DOCK1: variants seen among roughly 807,000 people sequenced by gnomAD.
The protein encoded by DOCK1 is dedicator of cytokinesis 1.
In DOCK1, 138 loss-of-function variants were observed where a neutral mutation model predicts 262.7. That is an observed-to-expected ratio of 0.53 (90% CI 0.46 to 0.61). The LOEUF is 0.61. Ranked by LOEUF, DOCK1 falls within the 20% of genes least tolerant of loss-of-function variation. DOCK1 has a pLI of 0.00. For missense variants in DOCK1, 1,908 were observed against 2,370.7 expected (o/e 0.80, Z 4.05); for synonymous variants, 866 against 867.4 (o/e 1.00, Z 0.03).
chr10:126,954,805 A>G (rs2134450694), intron 1 of DOCK1, among the ~76,000 whole-genome samples: 1 of 152,284 alleles, frequency 6.6e-6, no homozygotes, highest in South Asian at 2.1e-4. Flanking sequence ...ATATGTACAT[A>G]CCACGTTTTA....
chr10:127,337,374 G>C (rs1464158227), intron 29 of DOCK1, among the ~76,000 whole-genome samples: 1 of 152,176 alleles, frequency 6.6e-6, no homozygotes, highest in Non-Finnish European at 1.5e-5. Flanking sequence ...GGGCTGATTA[G>C]AGTTGCCAGG....
intron 29 of DOCK1, among the ~76,000 whole-genome samples, chr10:127,324,017 TGAG>T (rs1222498676): frequency 6.6e-6 from 1 of 152,164 alleles, no homozygotes; most frequent in Non-Finnish European, 1.5e-5. Context: ...TCTTGGTTCT[TGAG>T]GAGGGGGAGC....
chr10:127,129,490 T>A (rs2050174040), intron 27 of DOCK1, among the ~76,000 whole-genome samples: 1 of 152,196 alleles, frequency 6.6e-6, no homozygotes, highest in African/African-American at 2.4e-5. Flanking sequence ...TTCATAGTCT[T>A]GAAACACATT....
intron 38 of DOCK1, among the ~76,000 whole-genome samples, chr10:127,394,718 C>T (rs1223323418): frequency 1.3e-5 from 2 of 152,182 alleles, no homozygotes; most frequent in Non-Finnish European, 2.9e-5. Context: ...GAGTCAGTAA[C>T]AACAATGCTC....
chr10:127,009,348 G>A (rs762271500), intron 11 of DOCK1, among the ~76,000 whole-genome samples: 3 of 152,206 alleles, frequency 2.0e-5, no homozygotes, highest in Non-Finnish European at 2.9e-5. Flanking sequence ...AAAGAGGCAC[G>A]GAAGCTGAGA....
At chr10:126,916,051 G>C (rs1005480372) in intron 1 of DOCK1, among the ~76,000 whole-genome samples, 1 of 152,162 alleles carries the variant, frequency 6.6e-6, no homozygotes, top group Non-Finnish European at 1.5e-5. Context: ...GGACACTATG[G>C]TGTGGAGTTT....
intron 29 of DOCK1, among the ~76,000 whole-genome samples, chr10:127,299,384 G>A (rs967371445): frequency 3.3e-5 from 5 of 152,208 alleles, no homozygotes; most frequent in Admixed American, 6.5e-5. Flanking sequence ...GATTACAGGC[G>A]TGAGCCGCCG....
intron 1 of DOCK1, among the ~76,000 whole-genome samples, chr10:126,918,997 G>A (rs577666850): frequency 4.1e-4 from 45 of 108,994 alleles, no homozygotes; most frequent in East Asian, 1.3e-3. Flanking sequence ...GAGTGTGGGG[G>A]CCCTTCGGCC....
intron 30 of DOCK1, 125 bp from the exon 31 acceptor site, chr10:127,343,521 G>T: frequency 2.6e-6 from 2 of 783,266 alleles, no homozygotes; most frequent in South Asian, 4.0e-5. Context: ...TATAGAGTGA[G>T]TGTGGGTTTT....
chr10:127,046,110 G>A (rs967504440), intron 21 of DOCK1, among the ~76,000 whole-genome samples: 3 of 151,940 alleles, frequency 2.0e-5, no homozygotes, highest in African/African-American at 7.3e-5. Context: ...TAATTGGTTT[G>A]AAGAATTCCC....
intron 27 of DOCK1, among the ~76,000 whole-genome samples, chr10:127,223,596 T>G (rs557345881): frequency 6.6e-6 from 1 of 152,328 alleles, no homozygotes; most frequent in East Asian, 1.9e-4. Flanking sequence ...TTCCAAACTC[T>G]GAAATAATCT....
At chr10:127,397,746 GTA>G (rs2066989969) in intron 38 of DOCK1, among the ~76,000 whole-genome samples, 3 of 103,616 alleles carry the variant, frequency 2.9e-5, no homozygotes, top group African/African-American at 1.2e-4. Flanking sequence ...AGCGACTCCT[GTA>G]TGACACGGGC....
At chr10:127,401,661 C>G (rs1356343499) in intron 38 of DOCK1, among the ~76,000 whole-genome samples, 1 of 152,194 alleles carries the variant, frequency 6.6e-6, no homozygotes, top group Admixed American at 6.5e-5. Context: ...GCTTGTGTTT[C>G]TAGCTCTTGG....
intron 25 of DOCK1, among the ~76,000 whole-genome samples, chr10:127,119,835 G>C (rs555076915): frequency 6.6e-6 from 1 of 152,358 alleles, no homozygotes; most frequent in South Asian, 2.1e-4. Context: ...TTAATGTAGA[G>C]CTGTAATGGG....
intron 49 of DOCK1, 104 bp downstream of exon 49, chr10:127,439,329 T>C (rs528485233): frequency 3.2e-6 from 4 of 1,250,088 alleles, no homozygotes; most frequent in East Asian, 5.1e-5. Context: ...ATTGAACTTG[T>C]TATAAATTAG....
chr10:127,404,523 C>T (rs192722262), intron 40 of DOCK1, 94 bp downstream of exon 40: 445 of 1,202,126 alleles, frequency 3.7e-4, no homozygotes, highest in Non-Finnish European at 5.0e-4. Context: ...TTTGCATCCG[C>T]GTGGGATCGT....
At chr10:127,372,218 G>A (rs2065244125) in intron 33 of DOCK1, among the ~76,000 whole-genome samples, 2 of 152,318 alleles carry the variant, frequency 1.3e-5, no homozygotes, top group Non-Finnish European at 2.9e-5. Flanking sequence ...TGGGCAGTGT[G>A]TACTGATCGA....
chr10:127,346,081 G>A (rs371129978), intron 31 of DOCK1, among the ~76,000 whole-genome samples: 5 of 152,330 alleles, frequency 3.3e-5, no homozygotes, highest in East Asian at 3.9e-4. Flanking sequence ...AGTGTCCAGC[G>A]CCCGCTATTG....
At chr10:127,361,322 G>C (rs753414390) in intron 32 of DOCK1, among the ~76,000 whole-genome samples, 13 of 151,940 alleles carry the variant, frequency 8.6e-5, no homozygotes, top group Non-Finnish European at 1.5e-4. Context: ...CACCGTGTTA[G>C]CCAGGATGGT....
Sources: allele counts gnomAD v4.1 joint callset (sites outside exome capture counted in the v4.1 genomes callset), GRCh38; gene constraint gnomAD v4.1.1; transcripts MANE v1.5; gene names NCBI Gene and HGNC (gene_info 2026-07-23, HGNC 2026-07-21).